The following NALCN variants were observed in gnomAD, a reference collection of about 807,000 sequenced individuals.
NALCN encodes the protein sodium leak channel, non-selective, also known as sodium leak channel NALCN.
NALCN carries 111 observed loss-of-function variants against 225.3 expected under a neutral mutation model. The ratio of observed to expected loss-of-function variants is 0.49; its 90% CI spans 0.42 to 0.58. NALCN has a LOEUF of 0.58. Among genes scored for constraint, NALCN ranks in the 20% least tolerant of loss-of-function variants. The pLI is 0.00. For missense variants in NALCN, 1,378 were observed against 2,202.4 expected (o/e 0.63, Z 7.49); for synonymous variants, 764 against 769.0 (o/e 0.99, Z 0.11).
At chr13:101,072,238 C>T (rs2032943992) in intron 37 of NALCN, among the ~76,000 whole-genome samples, 1 of 152,210 alleles carries the variant, frequency 6.6e-6, no homozygotes, top group Non-Finnish European at 1.5e-5. Context: ...GATAGACCTG[C>T]TCCACACAAG....
At chr13:101,172,743 AT>A (rs35494139) in intron 15 of NALCN, among the ~76,000 whole-genome samples, 37,550 of 151,630 alleles carry the variant, frequency 0.25, 5,357 homozygotes, top group Non-Finnish European at 0.33. Flanking sequence ...TGTTTTTCGT[AT>A]TTTTAGTAGA....
intron 3 of NALCN, among the ~76,000 whole-genome samples, chr13:101,394,577 C>T (rs1414223431): frequency 6.6e-6 from 1 of 152,148 alleles, no homozygotes; most frequent in Non-Finnish European, 1.5e-5. Flanking sequence ...AAAAGATATC[C>T]AGTGACAGAA....
At chr13:101,064,114 G>A (rs2032178067) in intron 40 of NALCN, among the ~76,000 whole-genome samples, 1 of 152,130 alleles carries the variant, frequency 6.6e-6, no homozygotes, top group African/African-American at 2.4e-5. Context: ...AGAAGCACTG[G>A]TGAGCATAAA....
At chr13:101,140,959 A>C (rs977795205) in intron 17 of NALCN, among the ~76,000 whole-genome samples, 1 of 152,098 alleles carries the variant, frequency 6.6e-6, no homozygotes, top group Non-Finnish European at 1.5e-5. Context: ...TAAAAGATAA[A>C]AGTAAAGCCT....
At chr13:101,140,119 C>T (rs2036996069) in intron 17 of NALCN, among the ~76,000 whole-genome samples, 5 of 152,170 alleles carry the variant, frequency 3.3e-5, no homozygotes, top group Admixed American at 2.0e-4. Flanking sequence ...GTTGTCTTGC[C>T]ACTCCCATAA....
chr13:101,089,055 GC>G lies in NALCN; in HGVS notation c.3489+607del, dbSNP rs1222217961. 5.3e-5 allele frequency among the ~76,000 whole-genome samples: 8 copies of G among 151,728 alleles called. No individual in the cohort carries two copies. The highest frequency in any genetic ancestry group is 4.6e-4 in the Admixed American group (7 of 15,236). On this transcript the variant is annotated intron_variant, in intron 30 of 43. Transcript: ENST00000251127. The surrounding 1 kb of genome is among the most constrained non-coding windows in gnomAD (Gnocchi z 4.7). ...TGGGATTACAGGCATGCGCCACCAC[GC>G]CCGGCTAATTTTTGTATTTTTAGTA...
chr13:101,067,448 C>A (rs948723849), intron 39 of NALCN, among the ~76,000 whole-genome samples: 1 of 152,106 alleles, frequency 6.6e-6, no homozygotes, highest in African/African-American at 2.4e-5. Flanking sequence ...TTTTAAGAAA[C>A]CTTGGGTAAA....
intron 10 of NALCN, among the ~76,000 whole-genome samples, chr13:101,261,624 TTTC>T (rs1345013239): frequency 2.0e-5 from 3 of 152,244 alleles, no homozygotes; most frequent in East Asian, 3.8e-4. Flanking sequence ...ATGGGATTAC[TTTC>T]TTGATTTCTT....
intron 15 of NALCN, among the ~76,000 whole-genome samples, chr13:101,161,694 A>C (rs1335442715): frequency 1.3e-5 from 2 of 152,196 alleles, no homozygotes; most frequent in Non-Finnish European, 2.9e-5. Flanking sequence ...CAACATGGTG[A>C]AACCCCGTCT....
At chr13:101,328,539 G>T (rs1005765649) in intron 7 of NALCN, among the ~76,000 whole-genome samples, 1 of 152,064 alleles carries the variant, frequency 6.6e-6, no homozygotes, top group Admixed American at 6.6e-5. Context: ...CTAAAAGGAG[G>T]CAATCTAAAT....
intron 1 of NALCN, among the ~76,000 whole-genome samples, chr13:101,399,378 A>G (rs969829191): frequency 9.2e-5 from 14 of 152,238 alleles, no homozygotes; most frequent in African/African-American, 3.1e-4. Flanking sequence ...GGATTATTTT[A>G]TGTACTTCAA....
intron 13 of NALCN, among the ~76,000 whole-genome samples, chr13:101,208,275 G>A (rs1443323652): frequency 2.0e-5 from 3 of 152,158 alleles, no homozygotes; most frequent in Non-Finnish European, 4.4e-5. Flanking sequence ...CATCACAGAG[G>A]TCTGCAGCTT....
chr13:101,354,839 G>A (rs1298461949), intron 6 of NALCN, among the ~76,000 whole-genome samples: 1 of 152,122 alleles, frequency 6.6e-6, no homozygotes, highest in African/African-American at 2.4e-5. Flanking sequence ...CTTTCAAGGT[G>A]GCCAGACATA....
intron 1 of NALCN, among the ~76,000 whole-genome samples, chr13:101,405,611 C>G (rs1221337958): frequency 6.6e-6 from 1 of 152,160 alleles, no homozygotes; most frequent in Non-Finnish European, 1.5e-5. Context: ...CATGAGGTCA[C>G]CTCTCACGGC....
At chr13:101,268,453 C>A (rs1184042009) in intron 10 of NALCN, among the ~76,000 whole-genome samples, 1 of 152,172 alleles carries the variant, frequency 6.6e-6, no homozygotes, top group Non-Finnish European at 1.5e-5. Flanking sequence ...ATACATTGAT[C>A]ATAAATAATA....
intron 14 of NALCN, among the ~76,000 whole-genome samples, chr13:101,177,091 C>A (rs574306504): frequency 6.6e-6 from 1 of 152,110 alleles, no homozygotes. Flanking sequence ...TGGAGAGGTC[C>A]ATGTGGTGAG....
chr13:101,146,964 C>A (rs2037379585), intron 15 of NALCN, among the ~76,000 whole-genome samples: 1 of 152,148 alleles, frequency 6.6e-6, no homozygotes, highest in South Asian at 2.1e-4. Flanking sequence ...TACTTCTACT[C>A]CACGAGACTT....
chr13:101,175,649 T>C (rs1594367383), intron 15 of NALCN, among the ~76,000 whole-genome samples: 1 of 152,342 alleles, frequency 6.6e-6, no homozygotes, highest in Non-Finnish European at 1.5e-5. Flanking sequence ...AAAGGGTCTG[T>C]ACTCTTTGAT....
chr13:101,362,508 G>C (rs566875970), intron 6 of NALCN, among the ~76,000 whole-genome samples: 1 of 152,080 alleles, frequency 6.6e-6, no homozygotes, highest in African/African-American at 2.4e-5. Context: ...TATTTCAATA[G>C]ATGCAGAAAA....
Sources: allele counts gnomAD v4.1 joint callset (sites outside exome capture counted in the v4.1 genomes callset), GRCh38; gene constraint gnomAD v4.1.1; non-coding constraint Gnocchi (gnomAD v3.1); transcripts MANE v1.5; gene names NCBI Gene and HGNC (gene_info 2026-07-23, HGNC 2026-07-21).